ARHGAP32: variants seen among roughly 807,000 people sequenced by gnomAD.
ARHGAP32 encodes the protein Rho GTPase activating protein 32.
In ARHGAP32, 51 loss-of-function variants were observed where a neutral mutation model predicts 186.5. That is an observed-to-expected ratio of 0.27 (90% CI 0.22 to 0.35). The LOEUF (loss-of-function observed/expected upper bound fraction) is 0.35, where lower values mean the gene tolerates loss of function less well. Ranked by LOEUF, ARHGAP32 falls within the 10% of genes least tolerant of loss-of-function variation. The probability of loss-of-function intolerance (pLI) is 1.00; values close to 1 mark genes in which losing one functional copy is unlikely to be tolerated. For synonymous variants in ARHGAP32, 950 were observed against 964.3 expected (o/e 0.99, Z 0.27); for missense variants, 2,186 against 2,623.5 (o/e 0.83, Z 3.64).
intron 1 of ARHGAP32, among the ~76,000 whole-genome samples, chr11:129,239,869 A>G (rs1382009137): frequency 6.6e-6 from 1 of 152,078 alleles, no homozygotes; most frequent in African/African-American, 2.4e-5. Context: ...ACACATACAC[A>G]CACACAATTA....
intron 1 of ARHGAP32, among the ~76,000 whole-genome samples, chr11:129,234,404 CTA>C (rs1413980812): frequency 6.6e-6 from 1 of 151,890 alleles, no homozygotes; most frequent in Non-Finnish European, 1.5e-5. Flanking sequence ...AAATAGTCTA[CTA>C]TATATTTTTC....
chr11:129,210,663 G>A (rs1465155905), intron 1 of ARHGAP32, among the ~76,000 whole-genome samples: 1 of 152,112 alleles, frequency 6.6e-6, no homozygotes, highest in Admixed American at 6.6e-5. Context: ...ATCTGCACAA[G>A]GACGTACTGG....
At chr11:129,110,660 G>C (rs1408632410) in intron 5 of ARHGAP32, among the ~76,000 whole-genome samples, 2 of 151,810 alleles carry the variant, frequency 1.3e-5, no homozygotes, top group Non-Finnish European at 2.9e-5. Flanking sequence ...TCACCTTCTT[G>C]GTTAAATTTA....
chr11:129,161,594 T>C (rs1371578567), intron 2 of ARHGAP32, among the ~76,000 whole-genome samples: 1 of 152,006 alleles, frequency 6.6e-6, no homozygotes, highest in Non-Finnish European at 1.5e-5. Context: ...AAAACCACAA[T>C]GAGATACCAC....
At chr11:129,222,167 C>T (rs1025121842) in intron 1 of ARHGAP32, among the ~76,000 whole-genome samples, 7 of 152,168 alleles carry the variant, frequency 4.6e-5, no homozygotes, top group East Asian at 3.9e-4. Flanking sequence ...TCTTTTGCTA[C>T]TCTAAAGCAT....
chr11:129,275,125 TTAAC>T (rs1239327268), intron 1 of ARHGAP32, among the ~76,000 whole-genome samples: 1 of 152,212 alleles, frequency 6.6e-6, no homozygotes, highest in Non-Finnish European at 1.5e-5. Flanking sequence ...TTATCAGCTG[TTAAC>T]TAAGTTTCAG....
intron 2 of ARHGAP32, among the ~76,000 whole-genome samples, chr11:129,152,390 C>A (rs1384730026): frequency 6.6e-6 from 1 of 152,062 alleles, no homozygotes; most frequent in African/African-American, 2.4e-5. Flanking sequence ...TTCTATGAAG[C>A]CAACATCACC....
At chr11:129,126,315 T>G (rs2135389126) in intron 2 of ARHGAP32, among the ~76,000 whole-genome samples, 1 of 152,260 alleles carries the variant, frequency 6.6e-6, no homozygotes, top group South Asian at 2.1e-4. Flanking sequence ...CCAATAAAAC[T>G]TGATATGCAA....
chr11:129,136,653 A>C (rs1349615515), intron 2 of ARHGAP32, among the ~76,000 whole-genome samples: 1 of 152,174 alleles, frequency 6.6e-6, no homozygotes, highest in African/African-American at 2.4e-5. Context: ...CATACATCAT[A>C]AGTGAATTAA....
chr11:128,991,617 T>C (rs1002864991), intron 12 of ARHGAP32, among the ~76,000 whole-genome samples: 1 of 152,188 alleles, frequency 6.6e-6, no homozygotes, highest in Non-Finnish European at 1.5e-5. Context: ...CAGCGAATAA[T>C]GACCCAGTCA....
intron 10 of ARHGAP32, among the ~76,000 whole-genome samples, chr11:129,059,648 CGCCACCAAGCCCA>C: frequency 6.6e-6 from 1 of 151,850 alleles, no homozygotes; most frequent in South Asian, 2.1e-4. Context: ...TACAAACATG[CGCCACCAAGCCCA>C]GCTAATTTTT....
intron 5 of ARHGAP32, among the ~76,000 whole-genome samples, chr11:129,112,753 T>A (rs1471098101): frequency 1.3e-5 from 2 of 152,184 alleles, no homozygotes; most frequent in Non-Finnish European, 2.9e-5. Flanking sequence ...CACCTTCCTT[T>A]TACTTTACAT....
At chr11:129,082,394 T>C in intron 6 of ARHGAP32, among the ~76,000 whole-genome samples, 1 of 152,094 alleles carries the variant, frequency 6.6e-6, no homozygotes, top group East Asian at 1.9e-4. Context: ...ATGGTACTGG[T>C]ATAAAAATAG....
At chr11:129,149,370 G>A (rs1943240784) in intron 2 of ARHGAP32, among the ~76,000 whole-genome samples, 1 of 152,132 alleles carries the variant, frequency 6.6e-6, no homozygotes, top group South Asian at 2.1e-4. Context: ...CTACAACCAA[G>A]GACTGGGTCT....
chr11:129,268,085 C>T (rs1945428236), intron 1 of ARHGAP32, among the ~76,000 whole-genome samples: 1 of 152,130 alleles, frequency 6.6e-6, no homozygotes, highest in Non-Finnish European at 1.5e-5. Context: ...GGTCAAATAT[C>T]CAAACCATAG....
chr11:129,104,818 A>G (rs992414615), intron 5 of ARHGAP32, among the ~76,000 whole-genome samples: 1 of 152,180 alleles, frequency 6.6e-6, no homozygotes, highest in Non-Finnish European at 1.5e-5. Flanking sequence ...ACTCCAGAAA[A>G]CAGTAAAGGG....
intron 1 of ARHGAP32, among the ~76,000 whole-genome samples, chr11:129,236,533 A>T (rs1302064108): frequency 6.6e-6 from 1 of 152,008 alleles, no homozygotes; most frequent in African/African-American, 2.4e-5. Flanking sequence ...CTGTTTGCTG[A>T]TTATTTCTTT....
chr11:129,258,152 T>G (rs1209227695), intron 1 of ARHGAP32, among the ~76,000 whole-genome samples: 1 of 152,222 alleles, frequency 6.6e-6, no homozygotes, highest in Admixed American at 6.6e-5. Flanking sequence ...CAAATATATG[T>G]TCTATGCTGT....
rs754542138 is a variant in ARHGAP32 at position 128,973,311 on chromosome 11, T to G, written c.3195A>C (p.Ala1065=). 4.3e-6 allele frequency: 7 copies of G among 1,614,064 alleles called. No homozygotes were observed. The highest frequency in any genetic ancestry group is 1.3e-5 in the African/African-American group (1 of 74,914). Reference sequence around the variant, plus strand: ...TCAATGACTGAGTTGAGGCTTGCTGTGCGGACTCAGCTAATGCTAGCGCCA... The same window carrying G: ...TCAATGACTGAGTTGAGGCTTGCTGGGCGGACTCAGCTAATGCTAGCGCCA... ...RMLALALAES[A]QQASTQSLKR... Residue 1065 remains alanine (A), a synonymous_variant, in exon 22 of 23, where the codon GCA becomes GCC. Transcript: ENST00000682385.
Sources: allele counts gnomAD v4.1 joint callset (sites outside exome capture counted in the v4.1 genomes callset), GRCh38; gene constraint gnomAD v4.1.1; transcripts MANE v1.5; gene names NCBI Gene and HGNC (gene_info 2026-07-23, HGNC 2026-07-21).